The following AFG1L variants were observed in gnomAD, a reference collection of about 807,000 sequenced individuals.
AFG1L encodes the protein AFG1 like ATPase, also known as AFG1-like ATPase.
AFG1L carries 53 observed loss-of-function variants against 62.2 expected under a neutral mutation model. The observed-to-expected ratio is 0.85, with a 90% confidence interval of 0.68 to 1.07. The LOEUF (loss-of-function observed/expected upper bound fraction) is 1.07. Ranked by LOEUF, AFG1L falls within the 50% of genes least tolerant of loss-of-function variation. The pLI is 0.00. For missense variants in AFG1L, 555 were observed against 590.5 expected (o/e 0.94, Z 0.62); for synonymous variants, 228 against 210.3 (o/e 1.08, Z -0.73).
intron 8 of AFG1L, among the ~76,000 whole-genome samples, chr6:108,460,609 A>AT (rs1772418658): frequency 6.6e-6 from 1 of 150,510 alleles, no homozygotes; most frequent in Non-Finnish European, 1.5e-5. Flanking sequence ...CTGTTTTTTG[A>AT]TTTTTTGAGA....
chr6:108,437,388 G>A (rs970863116), intron 7 of AFG1L, among the ~76,000 whole-genome samples: 3 of 152,246 alleles, frequency 2.0e-5, no homozygotes, highest in Admixed American at 1.3e-4. Context: ...GAGAGAGAGC[G>A]GGGAAATCAT....
At chr6:108,295,731 A>G (rs1225916072) in intron 1 of AFG1L, 1 of 152,576 alleles carries the variant, frequency 6.6e-6, no homozygotes, top group African/African-American at 2.4e-5. Context: ...CAGTGGAATT[A>G]TTTTGTCACC....
intron 8 of AFG1L, among the ~76,000 whole-genome samples, chr6:108,470,057 G>T (rs1056899290): frequency 6.6e-6 from 1 of 152,124 alleles, no homozygotes; most frequent in East Asian, 1.9e-4. Context: ...AGAGTTCTTT[G>T]GTGAGAACTG....
intron 2 of AFG1L, among the ~76,000 whole-genome samples, chr6:108,336,648 A>G (rs1184489067): frequency 6.6e-6 from 1 of 152,234 alleles, no homozygotes; most frequent in Non-Finnish European, 1.5e-5. Flanking sequence ...ATATGCAGAT[A>G]TTTTTGAATA....
intron 6 of AFG1L, among the ~76,000 whole-genome samples, chr6:108,383,363 CAT>C (rs935224489): frequency 1.3e-5 from 2 of 152,014 alleles, no homozygotes; most frequent in Non-Finnish European, 2.9e-5. Context: ...ATCAGGAAAA[CAT>C]AGACTCTGCA....
chr6:108,334,804 G>C (rs1175776095), intron 2 of AFG1L, among the ~76,000 whole-genome samples: 1 of 151,984 alleles, frequency 6.6e-6, no homozygotes, highest in Admixed American at 6.6e-5. Context: ...AGCCTCCTCT[G>C]CCATTGTTCT....
chr6:108,478,174 G>A (rs564126935), intron 10 of AFG1L, among the ~76,000 whole-genome samples: 7 of 152,186 alleles, frequency 4.6e-5, no homozygotes, highest in African/African-American at 1.4e-4. Flanking sequence ...GCGGTGGCTC[G>A]CGCCTGTAAT....
intron 6 of AFG1L, among the ~76,000 whole-genome samples, chr6:108,378,115 T>A (rs1015182446): frequency 6.6e-6 from 1 of 151,466 alleles, no homozygotes; most frequent in Non-Finnish European, 1.5e-5. Context: ...CTTGGTCCAG[T>A]CCATTTATAA....
At chr6:108,349,538 C>G (rs1016117103) in intron 3 of AFG1L, among the ~76,000 whole-genome samples, 3 of 151,988 alleles carry the variant, frequency 2.0e-5, no homozygotes, top group Admixed American at 6.6e-5. Flanking sequence ...GAGGGGCTCT[C>G]TGTATGGGAG....
At chr6:108,352,433 G>T (rs2114443557) in intron 3 of AFG1L, among the ~76,000 whole-genome samples, 1 of 152,224 alleles carries the variant, frequency 6.6e-6, no homozygotes, top group East Asian at 1.9e-4. Flanking sequence ...TATGTAAAAT[G>T]GTGTAGCATT....
chr6:108,367,941 G>A (rs1400963887), intron 6 of AFG1L, among the ~76,000 whole-genome samples: 1 of 152,154 alleles, frequency 6.6e-6, no homozygotes, highest in East Asian at 1.9e-4. Flanking sequence ...TAATGCCATA[G>A]TGGGAACTTT....
intron 6 of AFG1L, among the ~76,000 whole-genome samples, chr6:108,389,503 CA>C (rs1473492016): frequency 1.3e-5 from 2 of 152,186 alleles, no homozygotes; most frequent in Non-Finnish European, 2.9e-5. Context: ...CATGATTTTG[CA>C]GTGGCTAGTA....
chr6:108,321,586 G>T (rs1777814674), intron 1 of AFG1L, among the ~76,000 whole-genome samples: 1 of 152,066 alleles, frequency 6.6e-6, no homozygotes, highest in Admixed American at 6.5e-5. Context: ...AAATTCCAAG[G>T]GTTTTAGGAA....
Position 108,447,234 on chromosome 6 carries a change from G to A in AFG1L, c.828G>A (p.Gln276=). ...AVLKEYCNTV[Q]LDSGIDYRKR... ...TGTAGGAATATTGTAATACAGTCCA[G>A]CTAGATTCTGGGATAGATTACCGGA... is the stretch of plus-strand genomic sequence containing the variant. Residue 276 remains glutamine, a synonymous_variant, in exon 8 of 13, where the codon CAG becomes CAA. Coordinates refer to ENST00000368977, the MANE Select transcript of AFG1L (RefSeq NM_145315.5). The A allele has an allele frequency of 6.2e-7, 1 of 1,603,844 alleles. No homozygotes were observed. Among genetic ancestry groups the A allele is most frequent in the Non-Finnish European group, 8.5e-7 (1 of 1,170,982 alleles).
At chr6:108,470,372 A>G (rs181497787) in intron 8 of AFG1L, among the ~76,000 whole-genome samples, 20 of 152,268 alleles carry the variant, frequency 1.3e-4, no homozygotes, top group Non-Finnish European at 2.8e-4. Flanking sequence ...GTGGGGTATA[A>G]CAGGAGATGG....
intron 3 of AFG1L, among the ~76,000 whole-genome samples, chr6:108,354,596 C>T (rs1365236683): frequency 6.6e-6 from 1 of 151,910 alleles, no homozygotes; most frequent in Non-Finnish European, 1.5e-5. Context: ...TGAGCCACCA[C>T]GTCTGGCCTA....
rs1234869159 is a variant in AFG1L, at chr6:108,355,690, C to T, written c.452C>T (p.Ala151Val). 1.2e-5 allele frequency: 20 copies of T among 1,609,190 alleles called. No homozygotes were observed. Among genetic ancestry groups the T allele is most frequent in the Non-Finnish European group, 1.7e-5 (20 of 1,178,388 alleles). The change falls in exon 4 of 13, where the codon GCT becomes GTT. Residue 151 changes from alanine to valine, a missense_variant. By Grantham distance (64) the Ala-to-Val change is moderately conservative. Coordinates refer to ENST00000368977, the MANE Select transcript of AFG1L (RefSeq NM_145315.5). ...GKTMVMDMFY[A>V]YVEMKRKKRV... is the part of the protein sequence containing the mutation. ...ACAATGGTGATGGACATGTTTTATGCTTATGTGGAAATGAAGAGGAAAAAA... is the reference window on the plus strand; with the variant it reads ...ACAATGGTGATGGACATGTTTTATGTTTATGTGGAAATGAAGAGGAAAAAA...
chr6:108,369,236 G>T (rs1299044385), intron 6 of AFG1L, among the ~76,000 whole-genome samples: 3 of 152,130 alleles, frequency 2.0e-5, no homozygotes, highest in African/African-American at 7.2e-5. Context: ...GGAGGTGTTT[G>T]ACTACAAAGG....
intron 7 of AFG1L, among the ~76,000 whole-genome samples, chr6:108,425,416 ATGTG>A (rs374947584): frequency 2.7e-5 from 4 of 150,748 alleles, no homozygotes; most frequent in Admixed American, 6.6e-5. Context: ...TAAATAGTGT[ATGTG>A]TGTGTGTGTG....
Sources: allele counts gnomAD v4.1 joint callset (sites outside exome capture counted in the v4.1 genomes callset), GRCh38; gene constraint gnomAD v4.1.1; transcripts MANE v1.5; gene names NCBI Gene and HGNC (gene_info 2026-07-23, HGNC 2026-07-21).